The following CUX1 variants were observed in gnomAD, a reference collection of about 807,000 sequenced individuals.
The protein encoded by CUX1 is cut like homeobox 1.
In CUX1, 31 loss-of-function variants were observed where a neutral mutation model predicts 158.8. The ratio of observed to expected loss-of-function variants is 0.20; its 90% confidence interval spans 0.15 to 0.26. The LOEUF is 0.26. Ranked by LOEUF, CUX1 falls within the 10% of genes least tolerant of loss-of-function variation. CUX1 has a pLI of 1.00. For synonymous variants in CUX1, 879 were observed against 862.1 expected (o/e 1.02, Z -0.34); for missense variants, 1,589 against 2,014.6 (o/e 0.79, Z 4.04).
At chr7:102,199,863 C>T (rs112715825) in intron 16 of CUX1, among the ~76,000 whole-genome samples, 9 of 152,318 alleles carry the variant, frequency 5.9e-5, no homozygotes, top group Admixed American at 2.6e-4. Flanking sequence ...TAACATTGAC[C>T]GTAAGGTCAA....
intron 20 of CUX1, among the ~76,000 whole-genome samples, chr7:102,213,690 A>T (rs551172952): frequency 6.6e-6 from 1 of 152,368 alleles, no homozygotes; most frequent in East Asian, 1.9e-4. Context: ...TTCAGTTTTC[A>T]GTGGTTGAAT....
intron 3 of CUX1, among the ~76,000 whole-genome samples, chr7:102,029,765 A>G (rs1342645737): frequency 6.6e-6 from 1 of 152,118 alleles, no homozygotes; most frequent in Non-Finnish European, 1.5e-5. Context: ...GGACTTGAAC[A>G]GTCTTTTTCT....
chr7:102,039,449 C>T (rs1821801996), intron 3 of CUX1, among the ~76,000 whole-genome samples: 1 of 152,092 alleles, frequency 6.6e-6, no homozygotes, highest in Non-Finnish European at 1.5e-5. Flanking sequence ...AGCCTGGGAG[C>T]TCCAGACCAG....
chr7:102,206,335 A>G lies in CUX1; in HGVS notation c.3130+1165A>G, dbSNP rs1465268203. ...GGACATCTAGGTGGAGCGGGTGCCC[A>G]TTGGAAGAAGGGATCACTCATTCTG... On this transcript the variant is annotated intron_variant, in intron 20 of 23. Transcript: ENST00000292535. Among the ~76,000 whole-genome samples the G allele has an allele frequency of 2.6e-5, 4 of 152,264 alleles. No homozygotes were observed. The East Asian group carries it at 7.7e-4, about 29-fold the overall frequency.
chr7:102,185,742 G>T (rs1370503555), intron 11 of CUX1, among the ~76,000 whole-genome samples: 1 of 152,044 alleles, frequency 6.6e-6, no homozygotes, highest in African/African-American at 2.4e-5. Context: ...ACGTGGTGGA[G>T]CCAGGATCTG....
chr7:101,872,258 C>T lies in CUX1; in HGVS notation c.31-43857C>T, dbSNP rs1026908369. 7.2e-5 allele frequency among the ~76,000 whole-genome samples: 11 copies of T among 152,068 alleles called. No homozygotes were observed. In the East Asian group the frequency reaches 1.6e-3, roughly 22 times the overall value. The stretch of plus-strand genomic sequence containing the variant: ...AAGTGATTCTCATGCTGCAGTCTCC[C>T]GAGTAGCTGGGATTACAGGCGCCCA... On this transcript the variant is annotated intron_variant, in intron 1 of 23. Transcript: ENST00000292535.
intron 2 of CUX1, among the ~76,000 whole-genome samples, chr7:101,981,063 T>C (rs1813374170): frequency 6.6e-6 from 1 of 152,214 alleles, no homozygotes; most frequent in African/African-American, 2.4e-5. Flanking sequence ...AATGAATTTG[T>C]GGACATCAGG....
intron 2 of CUX1, among the ~76,000 whole-genome samples, chr7:101,919,210 G>A (rs879320508): frequency 6.7e-6 from 1 of 148,876 alleles, no homozygotes; most frequent in African/African-American, 2.6e-5. Flanking sequence ...GTGTGTGTGT[G>A]GGGGGGGAGC....
intron 1 of CUX1, among the ~76,000 whole-genome samples, chr7:101,890,793 G>A (rs1169827242): frequency 6.6e-6 from 1 of 152,034 alleles, no homozygotes; most frequent in African/African-American, 2.4e-5. Flanking sequence ...AGTTAACCTC[G>A]AACTCTTCCA....
chr7:101,861,630 T>G, intron 1 of CUX1, among the ~76,000 whole-genome samples: 1 of 150,988 alleles, frequency 6.6e-6, no homozygotes, highest in Middle Eastern at 3.4e-3. Flanking sequence ...TGGGGTGGGG[T>G]GGAGAAGAAG....
intron 7 of CUX1, among the ~76,000 whole-genome samples, chr7:102,114,443 A>T (rs1346193056): frequency 6.6e-6 from 1 of 152,134 alleles, no homozygotes; most frequent in Non-Finnish European, 1.5e-5. Flanking sequence ...TGCTTGGCTA[A>T]TTTTTGTATT....
At chr7:102,189,032 C>T (rs1305092002) in intron 11 of CUX1, among the ~76,000 whole-genome samples, 1 of 152,060 alleles carries the variant, frequency 6.6e-6, no homozygotes, top group Non-Finnish European at 1.5e-5. Context: ...AGCCACCAAG[C>T]ACTCGACTGA....
intron 1 of CUX1, among the ~76,000 whole-genome samples, chr7:101,833,021 CCT>C (rs771599448): frequency 3.3e-5 from 5 of 152,064 alleles, no homozygotes; most frequent in Non-Finnish European, 2.9e-5. Context: ...GGGCTGGTTC[CCT>C]GAGAGCATTC....
At chr7:102,073,373 A>G (rs1049577169) in intron 4 of CUX1, among the ~76,000 whole-genome samples, 4 of 151,552 alleles carry the variant, frequency 2.6e-5, no homozygotes, top group African/African-American at 7.3e-5. Context: ...GGGTTTCGCC[A>G]TGTTGGCCAG....
intron 14 of CUX1, among the ~76,000 whole-genome samples, chr7:102,265,263 G>T (rs1016587038): frequency 2.6e-5 from 4 of 151,702 alleles, no homozygotes; most frequent in African/African-American, 9.7e-5. Context: ...GGCTGAGGCA[G>T]GAGAATTGCT....
intron 1 of CUX1, among the ~76,000 whole-genome samples, chr7:101,911,125 C>T (rs1412446215): frequency 6.6e-6 from 1 of 152,294 alleles, no homozygotes; most frequent in East Asian, 1.9e-4. Context: ...AGCAGCCAGG[C>T]CGACTTGGTG....
At chr7:102,264,293 A>G (rs538977412) in intron 14 of CUX1, among the ~76,000 whole-genome samples, 1 of 152,338 alleles carries the variant, frequency 6.6e-6, no homozygotes, top group African/African-American at 2.4e-5. Context: ...GGCATGAGCC[A>G]TCGCGCCCAG....
intron 3 of CUX1, among the ~76,000 whole-genome samples, chr7:102,047,746 G>A (rs1474287610): frequency 6.6e-6 from 1 of 152,150 alleles, no homozygotes. Flanking sequence ...AATTTCTAGG[G>A]TATTTTATTT....
At position 102,252,297 on chromosome 7, in the gene CUX1, G is replaced by GC. The variant is rs576013391; in HGVS notation, c.*3256dup. On this transcript the variant is annotated 3_prime_UTR_variant, in exon 24 of 24. Coordinates refer to ENST00000292535, the MANE Select transcript of CUX1 (RefSeq NM_181552.4). ...AAGGGTTAATCTCTCATCTTGCTAA[G>GC]CAGTATTCAAGTGCCTTGAACAGTG... 283 of 985,392 alleles carry GC rather than the reference G, an allele frequency of 2.9e-4. 7 individuals are homozygous for GC. The South Asian group carries it at 0.011, about 39-fold the overall frequency. The allele number at this position is 985,392 out of a possible 1,614,324, so 61.0% of individuals were successfully genotyped here.
Sources: allele counts gnomAD v4.1 joint callset (sites outside exome capture counted in the v4.1 genomes callset), GRCh38; gene constraint gnomAD v4.1.1; transcripts MANE v1.5; gene names NCBI Gene and HGNC (gene_info 2026-07-23, HGNC 2026-07-21).